The following LRP1B variants were observed in gnomAD, a reference collection of about 807,000 sequenced individuals.
LRP1B encodes the protein LDL receptor related protein 1B, also known as low-density lipoprotein receptor-related protein 1B.
LRP1B carries 217 observed loss-of-function variants against 556.6 expected under a neutral mutation model. The ratio of observed to expected loss-of-function variants is 0.39; its 90% confidence interval spans 0.35 to 0.44. The LOEUF (loss-of-function observed/expected upper bound fraction) is 0.44. Ranked by LOEUF, LRP1B falls within the 20% of genes least tolerant of loss-of-function variation. The pLI is 1.00. For missense variants in LRP1B, 5,053 were observed against 5,620.8 expected, an observed-to-expected ratio of 0.90 and a Z score of 3.23; for synonymous variants, 2,047 against 1,865.8, an observed-to-expected ratio of 1.10 and a Z score of -2.50.
intron 32 of LRP1B, among the ~76,000 whole-genome samples, chr2:140,778,527 T>C (rs1229080403): frequency 3.3e-5 from 5 of 152,054 alleles, no homozygotes; most frequent in Non-Finnish European, 5.9e-5. Flanking sequence ...ATGTCTACAC[T>C]GGGAAGATAT....
chr2:140,652,372 G>A (rs1233049882), intron 41 of LRP1B, among the ~76,000 whole-genome samples: 1 of 151,938 alleles, frequency 6.6e-6, no homozygotes, highest in African/African-American at 2.4e-5. Flanking sequence ...AGTTATCAAA[G>A]ATATAATTTT....
rs557641842 is a variant in LRP1B at position 141,891,149 on chromosome 2, T to A, written c.83-80748A>T. The stretch of plus-strand genomic sequence containing the variant: ...CCTCTTGTTTTCTTTTCCTTTTTTT[T>A]AAACAACTTTTGCCAGATAAAAAAG... On this transcript the variant is annotated intron_variant, in intron 1 of 90. Transcript: ENST00000389484. 2.2e-4 allele frequency among the ~76,000 whole-genome samples: 33 copies of A among 152,256 alleles called. No homozygotes were observed. The South Asian group carries it at 3.1e-3, about 14-fold the overall frequency.
At chr2:141,119,506 T>C (rs1394910405) in intron 7 of LRP1B, among the ~76,000 whole-genome samples, 1 of 151,858 alleles carries the variant, frequency 6.6e-6, no homozygotes, top group Admixed American at 6.6e-5. Flanking sequence ...GGGATATGAC[T>C]ACATCTTCTT....
At chr2:140,323,555 TAACA>T (rs1680277550) in intron 81 of LRP1B, among the ~76,000 whole-genome samples, 1 of 151,750 alleles carries the variant, frequency 6.6e-6, no homozygotes, top group African/African-American at 2.4e-5. Flanking sequence ...TATACATATG[TAACA>T]AACCTGCACA....
At chr2:140,456,128 C>T (rs1687098014) in intron 62 of LRP1B, among the ~76,000 whole-genome samples, 1 of 152,170 alleles carries the variant, frequency 6.6e-6, no homozygotes, top group Admixed American at 6.6e-5. Flanking sequence ...GGGACAGTGA[C>T]ATGGAGCAGA....
At chr2:142,103,433 T>TATAA (rs1340599822) in intron 1 of LRP1B, among the ~76,000 whole-genome samples, 1 of 151,928 alleles carries the variant, frequency 6.6e-6, no homozygotes, top group East Asian at 1.9e-4. Flanking sequence ...TGAGCCTAGT[T>TATAA]TTATAATGGG....
intron 66 of LRP1B, among the ~76,000 whole-genome samples, chr2:140,433,180 C>G (rs924849690): frequency 6.6e-6 from 1 of 152,120 alleles, no homozygotes; most frequent in African/African-American, 2.4e-5. Flanking sequence ...CTCACTGCAA[C>G]CACCGCCTCC....
chr2:141,469,261 A>T, intron 3 of LRP1B, among the ~76,000 whole-genome samples: 1 of 152,200 alleles, frequency 6.6e-6, no homozygotes, highest in East Asian at 1.9e-4. Context: ...TAATTGTTTG[A>T]TCTGATTCTG....
rs534799218 is a variant in LRP1B, at chr2:141,569,536, G to A, written c.206-89003C>T. 1.1e-3 allele frequency among the ~76,000 whole-genome samples: 164 copies of A among 151,238 alleles called. 5 individuals carry two copies. The highest frequency in any genetic ancestry group is 1.9e-3 in the Non-Finnish European group (131 of 67,454). On this transcript the variant is annotated intron_variant, in intron 2 of 90. Coordinates refer to ENST00000389484, the MANE Select transcript of LRP1B (RefSeq NM_018557.3). ...TGATTTTTCAAAAGTAGGCCAAAAT[G>A]TTAGATTCTGTAATGTCTCAACTGT...
At position 141,737,541 on chromosome 2, in the gene LRP1B, T is replaced by C. The variant is rs150407360; in HGVS notation, c.205+72738A>G. ...CAAGTTCAAGAAATATAATAAATTA[T>C]TGCCTTCAGGGAAAAAAACTGCATT... is the stretch of plus-strand genomic sequence containing the variant. On this transcript the variant is annotated intron_variant, in intron 2 of 90. Coordinates refer to ENST00000389484, the MANE Select transcript of LRP1B (RefSeq NM_018557.3). Among the ~76,000 whole-genome samples, 147 of 152,216 alleles carry C rather than the reference T, an allele frequency of 9.7e-4. 3 individuals carry two copies. Among genetic ancestry groups the C allele is most frequent in the Middle Eastern group, 3.4e-3 (1 of 294 alleles).
At position 141,890,110 on chromosome 2, in the gene LRP1B, A is replaced by G. The variant is rs187869670; in HGVS notation, c.83-79709T>C. 3.3e-3 allele frequency among the ~76,000 whole-genome samples: 501 copies of G among 152,002 alleles called. 2 individuals are homozygous for G. The highest frequency in any genetic ancestry group is 0.012 in the African/African-American group (478 of 41,468). On this transcript the variant is annotated intron_variant, in intron 1 of 90. Transcript: ENST00000389484. ...TGGCTAATTCCAAGTCATCATTTAT[A>G]TCTATCTTATTTTAGATGTTAACTT...
intron 37 of LRP1B, among the ~76,000 whole-genome samples, chr2:140,712,033 A>C (rs1687046991): frequency 6.6e-6 from 1 of 152,156 alleles, no homozygotes; most frequent in African/African-American, 2.4e-5. Context: ...ACATCCTCAG[A>C]TGCTGTTTAC....
chr2:141,573,392 C>G (rs1686606229), intron 2 of LRP1B, among the ~76,000 whole-genome samples: 1 of 151,986 alleles, frequency 6.6e-6, no homozygotes, highest in African/African-American at 2.4e-5. Flanking sequence ...TTCCTTGAAA[C>G]CAATGAGCAT....
At position 141,311,150 on chromosome 2, in the gene LRP1B, C is replaced by T. The variant is rs372495606; in HGVS notation, c.344-56509G>A. ...CTTCTAAGTGGGCCATGTGTTTATA[C>T]ATACAAAATGAAAGATCTTGACTAA... is the stretch of plus-strand genomic sequence containing the variant. On this transcript the variant is annotated intron_variant, in intron 3 of 90. Transcript: ENST00000389484. Among the ~76,000 whole-genome samples the T allele has an allele frequency of 5.9e-4, 90 of 152,300 alleles. 2 individuals carry two copies. In the South Asian group the frequency reaches 0.018, roughly 31 times the overall value.
intron 1 of LRP1B, among the ~76,000 whole-genome samples, chr2:141,818,005 C>T (rs769522973): frequency 1.3e-5 from 2 of 152,094 alleles, no homozygotes; most frequent in African/African-American, 2.4e-5. Flanking sequence ...ATCTTCTGAA[C>T]AGCTAAGTAT....
intron 1 of LRP1B, among the ~76,000 whole-genome samples, chr2:141,938,487 G>C (rs1311630338): frequency 6.6e-6 from 1 of 152,136 alleles, no homozygotes; most frequent in Non-Finnish European, 1.5e-5. Context: ...TACACTGTTG[G>C]TGGGAATGTA....
intron 1 of LRP1B, among the ~76,000 whole-genome samples, chr2:141,900,014 C>T (rs1005476742): frequency 6.6e-5 from 10 of 152,146 alleles, no homozygotes; most frequent in South Asian, 2.1e-4. Flanking sequence ...CAGATGAACA[C>T]GCTCTCTGGA....
At chr2:141,689,880 A>G (rs1034124200) in intron 2 of LRP1B, among the ~76,000 whole-genome samples, 2 of 151,826 alleles carry the variant, frequency 1.3e-5, no homozygotes, top group African/African-American at 4.8e-5. Flanking sequence ...CTCCAGTATA[A>G]AAAGACTGAT....
At chr2:141,233,304 G>T (rs1333974766) in intron 5 of LRP1B, among the ~76,000 whole-genome samples, 1 of 152,110 alleles carries the variant, frequency 6.6e-6, no homozygotes, top group Non-Finnish European at 1.5e-5. Flanking sequence ...CCTACAGCAG[G>T]CTGTCAACTG....
Sources: allele counts gnomAD v4.1 joint callset (sites outside exome capture counted in the v4.1 genomes callset), GRCh38; gene constraint gnomAD v4.1.1; transcripts MANE v1.5; gene names NCBI Gene and HGNC (gene_info 2026-07-23, HGNC 2026-07-21).